The following NRXN1 variants were observed in gnomAD, a reference collection of about 807,000 sequenced individuals.
NRXN1 encodes the protein neurexin 1, also known as neurexin-1.
A neutral mutation model predicts 150.9 loss-of-function variants in NRXN1; 39 were observed. The observed-to-expected ratio is 0.26, with a 90% CI of 0.20 to 0.34. The LOEUF (loss-of-function observed/expected upper bound fraction) is 0.34, where lower values mean the gene tolerates loss of function less well. Ranked by LOEUF, NRXN1 falls within the 10% of genes least tolerant of loss-of-function variation. NRXN1 has a pLI of 1.00. For missense variants in NRXN1, 1,815 were observed against 1,949.9 expected (o/e 0.93, Z 1.30); for synonymous variants, 924 against 757.0 (o/e 1.22, Z -3.62).
At chr2:50,766,336 A>G (rs1224139042) in intron 5 of NRXN1, among the ~76,000 whole-genome samples, 2 of 152,002 alleles carry the variant, frequency 1.3e-5, no homozygotes, top group African/African-American at 2.4e-5. Flanking sequence ...AAACACCTGT[A>G]TCAAAAGCAC....
At chr2:50,156,945 C>T (rs566503488) in intron 18 of NRXN1, among the ~76,000 whole-genome samples, 47 of 152,130 alleles carry the variant, frequency 3.1e-4, no homozygotes, top group Non-Finnish European at 4.9e-4. Context: ...ACAATAACAA[C>T]TAATATTTTC....
intron 5 of NRXN1, among the ~76,000 whole-genome samples, chr2:50,770,310 C>T (rs1040796986): frequency 4.0e-5 from 6 of 151,434 alleles, no homozygotes; most frequent in Non-Finnish European, 8.8e-5. Flanking sequence ...TATTTGTACA[C>T]GTACATAATT....
chr2:50,767,877 A>G (rs1702554960), intron 5 of NRXN1, among the ~76,000 whole-genome samples: 2 of 152,154 alleles, frequency 1.3e-5, no homozygotes, highest in South Asian at 2.1e-4. Flanking sequence ...ACATGTAATT[A>G]ATGTTTGTTT....
At chr2:50,598,224 C>T (rs1215232327) in intron 8 of NRXN1, among the ~76,000 whole-genome samples, 1 of 151,784 alleles carries the variant, frequency 6.6e-6, no homozygotes, top group African/African-American at 2.4e-5. Context: ...CAAATCAAAA[C>T]TAAATTTTGC....
At chr2:50,761,402 T>C (rs1364566889) in intron 5 of NRXN1, among the ~76,000 whole-genome samples, 2 of 151,802 alleles carry the variant, frequency 1.3e-5, no homozygotes, top group Non-Finnish European at 2.9e-5. Flanking sequence ...TGAGATGTGA[T>C]GGTTTTATAA....
intron 17 of NRXN1, among the ~76,000 whole-genome samples, chr2:50,302,691 A>T (rs2074266964): frequency 6.6e-6 from 1 of 152,318 alleles, no homozygotes; most frequent in Admixed American, 6.5e-5. Context: ...TGCAAACATG[A>T]GCACCAAGCA....
At chr2:50,121,684 A>T (rs1017926663) in intron 18 of NRXN1, among the ~76,000 whole-genome samples, 3 of 152,176 alleles carry the variant, frequency 2.0e-5, no homozygotes, top group African/African-American at 7.2e-5. Context: ...AAGATACAAA[A>T]CTGTGGGATA....
At chr2:50,091,255 A>G in intron 19 of NRXN1, 68 bp downstream of exon 19, 1 of 1,572,760 alleles carries the variant, frequency 6.4e-7, no homozygotes, top group South Asian at 1.1e-5. Flanking sequence ...AAACGGATGC[A>G]AAACAGTGCT....
At chr2:50,525,518 C>A (rs1032097737) in intron 12 of NRXN1, among the ~76,000 whole-genome samples, 2 of 152,110 alleles carry the variant, frequency 1.3e-5, no homozygotes, top group Admixed American at 1.3e-4. Context: ...ACCTTGCAGC[C>A]CATGGATTTG....
intron 2 of NRXN1, among the ~76,000 whole-genome samples, chr2:51,006,413 G>A (rs1245347414): frequency 6.8e-6 from 1 of 146,538 alleles, no homozygotes; most frequent in Non-Finnish European, 1.5e-5. Flanking sequence ...GGGAAGGGGG[G>A]AGGGATAGCA....
At chr2:50,127,802 A>C (rs975333409) in intron 18 of NRXN1, among the ~76,000 whole-genome samples, 1 of 152,174 alleles carries the variant, frequency 6.6e-6, no homozygotes, top group Admixed American at 6.5e-5. Flanking sequence ...ATACTCCTTC[A>C]CATTTTCTTT....
chr2:50,265,913 T>G (rs1381459096), intron 17 of NRXN1, among the ~76,000 whole-genome samples: 2 of 151,710 alleles, frequency 1.3e-5, no homozygotes, highest in Non-Finnish European at 2.9e-5. Context: ...AGAAAAACGG[T>G]CACACAAAGA....
At chr2:50,050,365 C>G (rs1470339433) in intron 21 of NRXN1, among the ~76,000 whole-genome samples, 1 of 151,884 alleles carries the variant, frequency 6.6e-6, no homozygotes, top group Non-Finnish European at 1.5e-5. Flanking sequence ...TTCTGCCTGA[C>G]CAAAAATCTG....
At chr2:51,031,623 G>A (rs1332913218) in intron 1 of NRXN1, among the ~76,000 whole-genome samples, 1 of 152,044 alleles carries the variant, frequency 6.6e-6, no homozygotes, top group Admixed American at 6.6e-5. Flanking sequence ...TTGGAGCTCG[G>A]GGTCTACTGC....
intron 17 of NRXN1, among the ~76,000 whole-genome samples, chr2:50,325,986 A>G (rs1382972170): frequency 1.3e-5 from 2 of 152,228 alleles, no homozygotes; most frequent in African/African-American, 2.4e-5. Context: ...TTTAGCAGAG[A>G]AAGTTTCTAA....
intron 17 of NRXN1, among the ~76,000 whole-genome samples, chr2:50,358,954 A>AC (rs1156779048): frequency 2.0e-5 from 3 of 152,078 alleles, no homozygotes; most frequent in East Asian, 3.9e-4. Flanking sequence ...TCTGGAGCGG[A>AC]CCCCCCAGCA....
rs1291177758 is a variant in NRXN1 at position 50,347,017 on chromosome 2, C to T, written c.3365-110047G>A. On this transcript the variant is annotated intron_variant, in intron 17 of 22. Transcript: ENST00000401669. The surrounding 1 kb of genome is among the most constrained non-coding windows in gnomAD (Gnocchi z 4.9). ...TTTGGGGCGCGGGGAGAGGAGAGGGCGCAGGGGAGCGGGCGGCGCGGAGTG... is the reference window on the plus strand; with the variant it reads ...TTTGGGGCGCGGGGAGAGGAGAGGGTGCAGGGGAGCGGGCGGCGCGGAGTG... 5 of 1,388,052 alleles carry T rather than the reference C, an allele frequency of 3.6e-6. No homozygotes were observed. Among genetic ancestry groups the T allele is most frequent in the African/African-American group, 1.5e-5 (1 of 65,306 alleles). 86.0% of individuals were successfully genotyped at this position (1,388,052 alleles called of 1,614,324 possible). A position where few individuals can be genotyped will look rare whatever the true frequency, so the allele number is the denominator to read the frequency against.
chr2:50,824,708 C>T lies in NRXN1; in HGVS notation c.832+97161G>A, dbSNP rs573246537. Among the ~76,000 whole-genome samples the T allele has an allele frequency of 3.3e-5, 5 of 152,076 alleles. No individual in the cohort carries two copies. The East Asian group carries it at 9.7e-4, about 29-fold the overall frequency. ...GAAAACTCCAGGTGAATCTAGGGCC[C>T]AGAAAAAAATACCCACTTCTCCAGG... On this transcript the variant is annotated intron_variant, in intron 5 of 22. Coordinates refer to ENST00000401669, the MANE Select transcript of NRXN1 (RefSeq NM_001330078.2).
rs1178564658 is a variant in NRXN1 at position 50,347,071 on chromosome 2, C to T, written c.3365-110101G>A. 6 of 1,381,034 alleles carry T rather than the reference C, an allele frequency of 4.3e-6. No individual in the cohort carries two copies. The highest frequency in any genetic ancestry group is 4.8e-6 in the Non-Finnish European group (5 of 1,052,426). 85.5% of individuals were successfully genotyped at this position (1,381,034 alleles called of 1,614,324 possible). On this transcript the variant is annotated intron_variant, in intron 17 of 22. Transcript: ENST00000401669. The surrounding 1 kb of genome is among the most constrained non-coding windows in gnomAD (Gnocchi z 4.9). ...TGAGGGGCCGGCCGCCTCACCGCGCCAGGGCACCCATCCTCTCCCTCCTTC... is the reference window on the plus strand; with the variant it reads ...TGAGGGGCCGGCCGCCTCACCGCGCTAGGGCACCCATCCTCTCCCTCCTTC...
Sources: gnomAD v4.1 joint callset for allele counts (sites outside exome capture counted in the v4.1 genomes callset) on GRCh38, gnomAD v4.1.1 for gene constraint, Gnocchi (gnomAD v3.1) non-coding constraint, MANE v1.5 for transcripts, NCBI Gene and HGNC (gene_info 2026-07-23, HGNC 2026-07-21) for gene names.